The following TBC1D12 variants were observed in gnomAD, a reference collection of about 807,000 sequenced individuals.
TBC1D12 encodes the protein TBC1 domain family, member 12.
A neutral mutation model predicts 86.7 loss-of-function variants in TBC1D12; 56 were observed. The observed-to-expected ratio is 0.65, with a 90% CI of 0.52 to 0.81. TBC1D12 has a LOEUF of 0.81. Ranked by LOEUF, TBC1D12 falls within the 30% of genes least tolerant of loss-of-function variation. The pLI is 0.00. For missense variants in TBC1D12, 1,023 were observed against 1,038.8 expected (o/e 0.98, Z 0.21); for synonymous variants, 421 against 411.7 (o/e 1.02, Z -0.27).
chr10:94,526,932 G>T (rs1406184700), intron 11 of TBC1D12, among the ~76,000 whole-genome samples: 2 of 152,098 alleles, frequency 1.3e-5, no homozygotes, highest in African/African-American at 4.8e-5. Flanking sequence ...ATCCTAACTG[G>T]GGTAAGAGGA....
intron 6 of TBC1D12, among the ~76,000 whole-genome samples, chr10:94,501,241 G>A (rs2056392482): frequency 1.3e-5 from 2 of 152,014 alleles, no homozygotes; most frequent in Non-Finnish European, 2.9e-5. Flanking sequence ...CTGAGCTCAG[G>A]ATTTCGAGAC....
chr10:94,523,218 G>C (rs199823505), intron 11 of TBC1D12, among the ~76,000 whole-genome samples: 28 of 69,342 alleles, frequency 4.0e-4, no homozygotes, highest in African/African-American at 1.3e-3. Context: ...AAAAAAAAAA[G>C]AGCATAGACT....
In TBC1D12 at chr10:94,402,607, C is replaced by T; in HGVS notation, c.-7C>T. On this transcript the variant is annotated 5_prime_UTR_variant, in exon 1 of 13. Coordinates refer to ENST00000225235, the MANE Select transcript of TBC1D12 (RefSeq NM_015188.2). ...TGCCTCCTGGGGCGGCCGCCACCCA[C>T]CCCCAGATGGTGGGTCCGGAGGATG... The T allele has an allele frequency of 6.2e-7, 1 of 1,611,092 alleles. No homozygotes were observed.
At chr10:94,405,679 G>C (rs1041675232) in intron 1 of TBC1D12, among the ~76,000 whole-genome samples, 1 of 152,148 alleles carries the variant, frequency 6.6e-6, no homozygotes, top group Non-Finnish European at 1.5e-5. Flanking sequence ...GTATACTCTT[G>C]AGTTCTTGCT....
At chr10:94,439,334 T>C (rs1442870067) in intron 1 of TBC1D12, among the ~76,000 whole-genome samples, 1 of 152,138 alleles carries the variant, frequency 6.6e-6, no homozygotes, top group Non-Finnish European at 1.5e-5. Flanking sequence ...TTTGTGTGGG[T>C]AGATAGGAAA....
Position 94,509,676 on chromosome 10 carries a change from C to A in TBC1D12, c.1601-415C>A, listed in dbSNP as rs148340142. 6.8e-5 allele frequency: 12 copies of A among 176,606 alleles called. No individual in the cohort carries two copies. In the East Asian group the frequency reaches 2.2e-3, roughly 33 times the overall value. 10.9% of individuals were successfully genotyped at this position (176,606 alleles called of 1,614,324 possible). A position where few individuals can be genotyped will look rare whatever the true frequency, so the allele number is the denominator to read the frequency against. ...AGCCCATACCTAGACCTGGCAGATA[C>A]CCCTAGGAAGAAAAATGGACACTGG... On this transcript the variant is annotated intron_variant, in intron 7 of 12. Coordinates refer to ENST00000225235, the MANE Select transcript of TBC1D12 (RefSeq NM_015188.2).
At chr10:94,507,163 A>C (rs1193047452) in intron 6 of TBC1D12, 104 bp from the exon 7 acceptor site, 5 of 1,104,066 alleles carry the variant, frequency 4.5e-6, no homozygotes, top group Non-Finnish European at 6.6e-6. Flanking sequence ...TGCTTGCTAC[A>C]TCAGAGAGAC....
Position 94,402,542 on chromosome 10 carries a change from G to C in TBC1D12, c.-72G>C. 3 of 1,561,402 alleles carry C rather than the reference G, an allele frequency of 1.9e-6. No homozygotes were observed. Among genetic ancestry groups the C allele is most frequent in the Non-Finnish European group, 2.6e-6 (3 of 1,154,140 alleles). Reference sequence around the variant, plus strand: ...GCTGTCGCCGCGGCCCCAGCACCCAGAGCTGTTCTCTGGCCAAGCCTGCGC... The same window carrying C: ...GCTGTCGCCGCGGCCCCAGCACCCACAGCTGTTCTCTGGCCAAGCCTGCGC... On this transcript the variant is annotated 5_prime_UTR_variant, in exon 1 of 13. Coordinates refer to ENST00000225235, the MANE Select transcript of TBC1D12 (RefSeq NM_015188.2).
intron 1 of TBC1D12, among the ~76,000 whole-genome samples, chr10:94,418,572 AT>A (rs2055030637): frequency 2.0e-5 from 3 of 151,128 alleles, no homozygotes; most frequent in South Asian, 2.1e-4. Context: ...TATTATTATT[AT>A]TATTATTATA....
intron 6 of TBC1D12, among the ~76,000 whole-genome samples, chr10:94,504,030 T>C (rs2056430962): frequency 6.6e-6 from 1 of 152,268 alleles, no homozygotes. Context: ...GACTTAACTG[T>C]TCTCTCCAAA....
intron 2 of TBC1D12, among the ~76,000 whole-genome samples, chr10:94,453,622 G>A (rs1381108662): frequency 2.0e-5 from 3 of 152,082 alleles, no homozygotes; most frequent in South Asian, 2.1e-4. Context: ...GATAAGGGGG[G>A]ACTACTGTAT....
intron 11 of TBC1D12, among the ~76,000 whole-genome samples, chr10:94,522,952 G>A (rs1474481020): frequency 6.7e-6 from 1 of 149,670 alleles, no homozygotes; most frequent in Non-Finnish European, 1.5e-5. Flanking sequence ...GCTGAGGCAG[G>A]AGAATCGCTT....
intron 2 of TBC1D12, among the ~76,000 whole-genome samples, chr10:94,445,304 A>T (rs1222566534): frequency 6.6e-6 from 1 of 151,870 alleles, no homozygotes; most frequent in Non-Finnish European, 1.5e-5. Context: ...GGTTGCAGTG[A>T]GCCGACGTTG....
rs1479414016 is a variant in TBC1D12, at chr10:94,533,722, G to A, written c.*626G>A. 6.6e-6 allele frequency: 1 copy of A among 152,020 alleles called. No homozygotes were observed. The highest frequency in any genetic ancestry group is 1.5e-5 in the Non-Finnish European group (1 of 67,980). The allele number at this position is 152,020 out of a possible 1,614,324, so 9.4% of individuals were successfully genotyped here. On this transcript the variant is annotated 3_prime_UTR_variant, in exon 13 of 13. Coordinates refer to ENST00000225235, the MANE Select transcript of TBC1D12 (RefSeq NM_015188.2). Reference sequence around the variant, plus strand: ...GTATGGTGTCCATTTGTTTTTTAAGGGAAATTTTTTGTCTTCCTTAAGGAA... The same window carrying A: ...GTATGGTGTCCATTTGTTTTTTAAGAGAAATTTTTTGTCTTCCTTAAGGAA...
At chr10:94,462,423 C>T (rs1379879359) in intron 2 of TBC1D12, among the ~76,000 whole-genome samples, 1 of 152,140 alleles carries the variant, frequency 6.6e-6, no homozygotes, top group Non-Finnish European at 1.5e-5. Flanking sequence ...TAGTAATCCC[C>T]TTTCACTTCT....
At chr10:94,446,363 G>A (rs752904304) in intron 2 of TBC1D12, among the ~76,000 whole-genome samples, 5 of 152,160 alleles carry the variant, frequency 3.3e-5, no homozygotes, top group Admixed American at 1.3e-4. Flanking sequence ...AGCTGTTAAG[G>A]CTTTAGGAAA....
chr10:94,487,411 T>G (rs570525962), intron 3 of TBC1D12, among the ~76,000 whole-genome samples: 1 of 151,854 alleles, frequency 6.6e-6, no homozygotes, highest in East Asian at 1.9e-4. Flanking sequence ...CCAGTCTTTC[T>G]TTTAGTGAAA....
intron 3 of TBC1D12, among the ~76,000 whole-genome samples, chr10:94,482,642 A>AT (rs1307621145): frequency 6.6e-6 from 1 of 151,394 alleles, no homozygotes; most frequent in East Asian, 1.9e-4. Flanking sequence ...TAGAGATGGG[A>AT]TTTTTCCATG....
chr10:94,525,794 T>G (rs1307129417), intron 11 of TBC1D12, among the ~76,000 whole-genome samples: 1 of 152,096 alleles, frequency 6.6e-6, no homozygotes, highest in Non-Finnish European at 1.5e-5. Context: ...CTTTTCACTC[T>G]TTTGAAGTTT....
Sources: gnomAD v4.1 joint callset for allele counts (sites outside exome capture counted in the v4.1 genomes callset) on GRCh38, gnomAD v4.1.1 for gene constraint, MANE v1.5 for transcripts, NCBI Gene and HGNC (gene_info 2026-07-23, HGNC 2026-07-21) for gene names.